The following TRMT10B variants were observed in gnomAD, a reference collection of about 807,000 sequenced individuals.
TRMT10B encodes tRNA methyltransferase 10 homolog B.
Under a neutral mutation model 43.8 loss-of-function variants are expected in TRMT10B, and 33 were observed. The ratio of observed to expected loss-of-function variants is 0.75; its 90% CI spans 0.57 to 1.01. TRMT10B has a LOEUF of 1.01. Among genes scored for constraint, TRMT10B ranks in the 50% least tolerant of loss-of-function variants. The probability of loss-of-function intolerance (pLI) is 0.00; values close to 1 mark genes in which losing one functional copy is unlikely to be tolerated. For synonymous variants in TRMT10B, 137 were observed against 130.6 expected (o/e 1.05, Z -0.34); for missense variants, 362 against 369.8 (o/e 0.98, Z 0.17).
intron 7 of TRMT10B, among the ~76,000 whole-genome samples, chr9:37,772,991 G>A (rs188408110): frequency 2.7e-4 from 41 of 152,334 alleles, no homozygotes; most frequent in Admixed American, 2.5e-3. Context: ...AGATTTAAAA[G>A]TTTTCTTTGA....
chr9:37,765,700 C>T (rs1050495340), intron 4 of TRMT10B, among the ~76,000 whole-genome samples: 2 of 152,206 alleles, frequency 1.3e-5, no homozygotes, highest in Admixed American at 1.3e-4. Context: ...TCCAGTCCCA[C>T]CAACAGTGTA....
chr9:37,770,201 C>A (rs1589036828), intron 6 of TRMT10B, among the ~76,000 whole-genome samples, 182 bp downstream of exon 6: 1 of 152,310 alleles, frequency 6.6e-6, no homozygotes, highest in Non-Finnish European at 1.5e-5. Flanking sequence ...ATGTGTCTTA[C>A]CATGGCTCAC....
At chr9:37,753,305 A>T (rs900891736), upstream of TRMT10B, among the ~76,000 whole-genome samples, 1 of 152,236 alleles carries the variant, frequency 6.6e-6, no homozygotes, top group Non-Finnish European at 1.5e-5. Flanking sequence ...TTGGAATTTG[A>T]TATTTTAGTT....
intron 5 of TRMT10B, among the ~76,000 whole-genome samples, chr9:37,769,153 C>T (rs562142080): frequency 2.0e-5 from 3 of 151,672 alleles, no homozygotes; most frequent in East Asian, 1.9e-4. Context: ...ACTAAAAATA[C>T]GAACATTAGC....
intron 7 of TRMT10B, among the ~76,000 whole-genome samples, chr9:37,771,449 A>AGGTAGATG (rs142984985): frequency 0.19 from 29,148 of 151,876 alleles, 2,814 homozygotes; most frequent in South Asian, 0.25. Flanking sequence ...ATATAGGTAG[A>AGGTAGATG]GGTAGATGTG....
At position 37,770,741 on chromosome 9, in the gene TRMT10B, TA is replaced by T; in HGVS notation, c.720+4del. ...CTTGTGGATGAAAGCATTCAGAAGG[TA>T]AGTATACATTTCAGCCCCAACATCT... is the stretch of plus-strand genomic sequence containing the variant. On this transcript the variant is annotated splice_donor_region_variant and intron_variant, in intron 7 of 8. Coordinates refer to ENST00000297994, the MANE Select transcript of TRMT10B (RefSeq NM_144964.4). 1 of 1,611,178 alleles carries T rather than the reference TA, an allele frequency of 6.2e-7. No homozygotes were observed. The highest frequency in any genetic ancestry group is 8.5e-7 in the Non-Finnish European group (1 of 1,179,952).
chr9:37,774,643 A>G (rs538923524), intron 7 of TRMT10B, among the ~76,000 whole-genome samples: 1 of 152,374 alleles, frequency 6.6e-6, no homozygotes, highest in African/African-American at 2.4e-5. Flanking sequence ...TTTATAAAAC[A>G]AACGTATCAT....
chr9:37,768,794 C>T (rs554506736), intron 5 of TRMT10B, among the ~76,000 whole-genome samples: 16 of 152,310 alleles, frequency 1.1e-4, no homozygotes, highest in African/African-American at 3.6e-4. Context: ...GGGTGCATTG[C>T]GCGGGGCTGC....
intron 1 of TRMT10B, among the ~76,000 whole-genome samples, chr9:37,754,982 G>A (rs1249620456): frequency 6.6e-6 from 1 of 152,116 alleles, no homozygotes; most frequent in Non-Finnish European, 1.5e-5. Context: ...TTATATAAAG[G>A]TCACAGGGTC....
At chr9:37,761,028 G>C (rs1179003660) in intron 1 of TRMT10B, among the ~76,000 whole-genome samples, 1 of 152,062 alleles carries the variant, frequency 6.6e-6, no homozygotes, top group Admixed American at 6.6e-5. Flanking sequence ...GTGGTGACTG[G>C]CTTTCTACTG....
At chr9:37,762,706 T>C in intron 3 of TRMT10B, 21 bp downstream of exon 3, 1 of 1,550,664 alleles carries the variant, frequency 6.4e-7, no homozygotes, top group Non-Finnish European at 8.7e-7. Flanking sequence ...ATGAGACTGT[T>C]GGTATAATAA....
chr9:37,765,002 T>G (rs1054492015), intron 4 of TRMT10B, among the ~76,000 whole-genome samples: 1 of 152,046 alleles, frequency 6.6e-6, no homozygotes, highest in Non-Finnish European at 1.5e-5. Context: ...CTGGTTACTA[T>G]AGGAGGATGT....
At chr9:37,762,176 C>A in intron 2 of TRMT10B, 59 bp downstream of exon 2, 1 of 1,518,446 alleles carries the variant, frequency 6.6e-7, no homozygotes, top group East Asian at 2.3e-5. Flanking sequence ...CAAGACACCC[C>A]TGTTTTAAAG....
chr9:37,753,119 CA>C (rs1825124680), upstream of TRMT10B, among the ~76,000 whole-genome samples: 1 of 151,962 alleles, frequency 6.6e-6, no homozygotes, highest in Non-Finnish European at 1.5e-5. Context: ...ATTTAACACT[CA>C]TTGCGAAGAT....
chr9:37,767,392 A>G (rs1378782492), intron 4 of TRMT10B: 6 of 151,668 alleles, frequency 4.0e-5, no homozygotes, highest in African/African-American at 1.5e-4. Context: ...CTGTACCTGT[A>G]GTCCCAGCTA....
intron 8 of TRMT10B, 92 bp downstream of exon 8, chr9:37,776,497 G>A (rs1291952034): frequency 7.0e-6 from 10 of 1,425,472 alleles, no homozygotes; most frequent in Middle Eastern, 1.9e-4. Context: ...AGTCTCCTCT[G>A]TGACTAATGT....
intron 4 of TRMT10B, 26 bp from the exon 5 acceptor site, chr9:37,768,050 C>T: frequency 1.9e-6 from 3 of 1,609,582 alleles, no homozygotes; most frequent in Non-Finnish European, 1.7e-6. Flanking sequence ...ATGTTTTTGC[C>T]CTGAGTTGTT....
At chr9:37,753,290 T>C (rs557004188), upstream of TRMT10B, among the ~76,000 whole-genome samples, 26 of 152,300 alleles carry the variant, frequency 1.7e-4, no homozygotes, top group Admixed American at 1.5e-3. Flanking sequence ...CAATATGATA[T>C]CAGGTTGGAA....
chr9:37,776,473 G>C (rs1828165463), intron 8 of TRMT10B, 68 bp downstream of exon 8: 2 of 1,510,532 alleles, frequency 1.3e-6, no homozygotes, highest in Non-Finnish European at 8.8e-7. Context: ...CTGTGTTTAA[G>C]TGGCCTTTGA....
Sources: allele counts gnomAD v4.1 joint callset (sites outside exome capture counted in the v4.1 genomes callset), GRCh38; gene constraint gnomAD v4.1.1; transcripts MANE v1.5; gene names NCBI Gene and HGNC (gene_info 2026-07-23, HGNC 2026-07-21).